AVEN: variants seen among roughly 807,000 people sequenced by gnomAD.
The protein encoded by AVEN is cell death regulator Aven.
A neutral mutation model predicts 38.1 loss-of-function variants in AVEN; 41 were observed. The ratio of observed to expected loss-of-function variants is 1.08; its 90% CI spans 0.84 to 1.40. The LOEUF (loss-of-function observed/expected upper bound fraction) is 1.40. Among genes scored for constraint, AVEN ranks in the 40% most tolerant of loss-of-function variants. The pLI is 0.00. For missense variants in AVEN, 605 were observed against 438.8 expected (o/e 1.38, Z -3.38); for synonymous variants, 206 against 171.8 (o/e 1.20, Z -1.56).
intron 2 of AVEN, among the ~76,000 whole-genome samples, chr15:33,909,084 G>A (rs1299201597): frequency 6.6e-6 from 1 of 152,154 alleles, no homozygotes; most frequent in Non-Finnish European, 1.5e-5. Context: ...ATCTCCCCAA[G>A]TACAAGTTGG....
upstream of AVEN, among the ~76,000 whole-genome samples, chr15:34,041,842 A>T (rs1000607845): frequency 3.9e-5 from 6 of 152,228 alleles, no homozygotes; most frequent in East Asian, 1.2e-3. Flanking sequence ...AAGTAACAGA[A>T]CTGGGATTTA....
intron 4 of AVEN, 45 bp downstream of exon 4, chr15:33,870,890 T>G: frequency 1.6e-5 from 23 of 1,460,258 alleles, no homozygotes; most frequent in Non-Finnish European, 2.2e-5. Context: ...CTTTTTCTCC[T>G]CCTGCCCTAA....
At chr15:33,962,387 G>A (rs1200904059) in intron 2 of AVEN, among the ~76,000 whole-genome samples, 1 of 151,882 alleles carries the variant, frequency 6.6e-6, no homozygotes, top group Non-Finnish European at 1.5e-5. Flanking sequence ...TCAGCATATT[G>A]CATCTCCAGC....
At chr15:33,853,994 C>T (rs953629677), downstream of AVEN, among the ~76,000 whole-genome samples, 4 of 151,996 alleles carry the variant, frequency 2.6e-5, no homozygotes, top group Non-Finnish European at 5.9e-5. Context: ...GAGTTCGATA[C>T]CAGCCTGGCC....
intron 2 of AVEN, among the ~76,000 whole-genome samples, chr15:34,068,956 C>T (rs1900576723): frequency 6.6e-6 from 1 of 151,882 alleles, no homozygotes; most frequent in Non-Finnish European, 1.5e-5. Flanking sequence ...GGACTACAGG[C>T]GCCTGCCACC....
intron 2 of AVEN, among the ~76,000 whole-genome samples, chr15:33,900,591 G>C (rs2153043028): frequency 6.6e-6 from 1 of 150,756 alleles, no homozygotes; most frequent in East Asian, 2.0e-4. Context: ...ATAGGTGTGA[G>C]CCACCATGCC....
chr15:33,897,282 TA>T (rs1256495815), intron 2 of AVEN, among the ~76,000 whole-genome samples: 1 of 94,342 alleles, frequency 1.1e-5, no homozygotes, highest in African/African-American at 4.4e-5. Context: ...TATACCTCAA[TA>T]AACATAAATT....
intron 2 of AVEN, among the ~76,000 whole-genome samples, chr15:33,877,513 C>T (rs1178462898): frequency 1.3e-5 from 2 of 152,180 alleles, no homozygotes; most frequent in East Asian, 3.8e-4. Flanking sequence ...CAAACAAAAT[C>T]CAGTGAGAAA....
intron 2 of AVEN, among the ~76,000 whole-genome samples, chr15:33,890,945 C>G (rs681666): frequency 2.6e-5 from 4 of 152,000 alleles, no homozygotes; most frequent in Non-Finnish European, 5.9e-5. Flanking sequence ...TCATCACTAC[C>G]AAAAATTTAA....
chr15:34,015,210 G>C (rs909493119), intron 1 of AVEN, among the ~76,000 whole-genome samples: 1 of 152,128 alleles, frequency 6.6e-6, no homozygotes, highest in Non-Finnish European at 1.5e-5. Flanking sequence ...TAGGCCGGGC[G>C]CAGTGGCTCA....
At chr15:34,068,735 T>C (rs1900568397) in intron 2 of AVEN, among the ~76,000 whole-genome samples, 1 of 152,204 alleles carries the variant, frequency 6.6e-6, no homozygotes, top group Non-Finnish European at 1.5e-5. Flanking sequence ...TGTCATGTCA[T>C]GGTTAGACTT....
intron 2 of AVEN, among the ~76,000 whole-genome samples, chr15:33,984,360 G>C (rs2140538486): frequency 6.6e-6 from 1 of 151,448 alleles, no homozygotes; most frequent in South Asian, 2.1e-4. Context: ...AAGATATTCT[G>C]CAAACTCAGT....
At chr15:33,941,299 GT>G (rs201738492) in intron 2 of AVEN, among the ~76,000 whole-genome samples, 57 of 148,230 alleles carry the variant, frequency 3.8e-4, no homozygotes, top group East Asian at 2.2e-3. Flanking sequence ...AACTGAAACT[GT>G]TTTTTTTTTG....
At position 34,002,637 on chromosome 15, in the gene AVEN, T is replaced by TA. The variant is rs765134950; in HGVS notation, c.445+394dup. 7.2e-5 allele frequency among the ~76,000 whole-genome samples: 11 copies of TA among 152,008 alleles called. 1 individual carries two copies. The highest frequency in any genetic ancestry group is 6.6e-4 in the Admixed American group (10 of 15,256). On this transcript the variant is annotated intron_variant, in intron 2 of 5. Coordinates refer to ENST00000306730, the MANE Select transcript of AVEN (RefSeq NM_020371.3). ...ACTACTATGTATATACCTGGCTACT[T>TA]AAAAAAAGGAAAAAAAAGAGAACAT...
At chr15:34,061,017 A>G (rs1290071840) in intron 5 of AVEN, among the ~76,000 whole-genome samples, 2 of 148,710 alleles carry the variant, frequency 1.3e-5, no homozygotes, top group Admixed American at 6.7e-5. Flanking sequence ...CTCCGTCTCA[A>G]AAAAAAAAAA....
At chr15:33,884,219 T>G (rs998079947) in intron 2 of AVEN, among the ~76,000 whole-genome samples, 3 of 152,164 alleles carry the variant, frequency 2.0e-5, no homozygotes, top group African/African-American at 7.2e-5. Context: ...CTAGGCCTCT[T>G]GGCTATCTTG....
At chr15:34,024,172 G>C (rs959483305) in intron 1 of AVEN, among the ~76,000 whole-genome samples, 1 of 152,158 alleles carries the variant, frequency 6.6e-6, no homozygotes, top group Non-Finnish European at 1.5e-5. Flanking sequence ...GATTATAGCA[G>C]TGAACAAGAC....
At chr15:34,029,933 A>C (rs1898691529) in intron 1 of AVEN, among the ~76,000 whole-genome samples, 1 of 152,166 alleles carries the variant, frequency 6.6e-6, no homozygotes, top group African/African-American at 2.4e-5. Context: ...AGCTCACTAG[A>C]ATGTGAACTC....
At chr15:33,931,630 A>AT (rs1433187262) in intron 2 of AVEN, among the ~76,000 whole-genome samples, 1 of 151,210 alleles carries the variant, frequency 6.6e-6, no homozygotes. Context: ...TCGGCCTCCC[A>AT]AGTGCTGGGA....
Sources: gnomAD v4.1 joint callset for allele counts (sites outside exome capture counted in the v4.1 genomes callset) on GRCh38, gnomAD v4.1.1 for gene constraint, MANE v1.5 for transcripts, NCBI Gene and HGNC (gene_info 2026-07-23, HGNC 2026-07-21) for gene names.